The following CHORDC1 variants were observed in gnomAD, a reference collection of about 807,000 sequenced individuals.
The protein encoded by CHORDC1 is cysteine and histidine rich domain containing 1, also known as cysteine and histidine-rich domain-containing protein 1.
Under a neutral mutation model 48.3 loss-of-function variants are expected in CHORDC1, and 25 were observed. The ratio of observed to expected loss-of-function variants is 0.52; its 90% CI spans 0.38 to 0.72. The LOEUF (loss-of-function observed/expected upper bound fraction) is 0.72, where lower values mean the gene tolerates loss of function less well. Ranked by LOEUF, CHORDC1 falls within the 30% of genes least tolerant of loss-of-function variation. CHORDC1 has a pLI of 0.00. For missense variants in CHORDC1, 317 were observed against 388.7 expected (o/e 0.82, Z 1.55); for synonymous variants, 128 against 126.4 (o/e 1.01, Z -0.09).
Position 90,206,193 on chromosome 11 carries a change from A to G in CHORDC1, c.563+9T>C, listed in dbSNP as rs200878575. On this transcript the variant is annotated intron_variant, in intron 7 of 10. Coordinates refer to ENST00000320585, the MANE Select transcript of CHORDC1 (RefSeq NM_012124.3). ...CATAAACTATTTTAATAAGTCATGC[A>G]TAAGTTACCCCTCATGGAAAATAGG... The G allele has an allele frequency of 5.0e-4, 731 of 1,453,566 alleles. 11 individuals are homozygous for G. The South Asian group carries it at 7.8e-3, about 16-fold the overall frequency. The allele number at this position is 1,453,566 out of a possible 1,614,324, so 90.0% of individuals were successfully genotyped here.
intron 1 of CHORDC1, among the ~76,000 whole-genome samples, chr11:90,219,268 A>C (rs551785288): frequency 2.0e-5 from 3 of 152,204 alleles, no homozygotes; most frequent in South Asian, 4.2e-4. Flanking sequence ...CATCTTAAAA[A>C]AAACAAACAA....
Position 90,218,204 on chromosome 11 carries a change from A to G in CHORDC1, c.65-20T>C. ...AAGCATCTGGAGAAAACAGAGAAAA[A>G]AAAAAAAGTACCACTCTTTATAATG... On this transcript the variant is annotated intron_variant, in intron 1 of 10. Coordinates refer to ENST00000320585, the MANE Select transcript of CHORDC1 (RefSeq NM_012124.3). 1 of 1,559,784 alleles carries G rather than the reference A, an allele frequency of 6.4e-7. No individual in the cohort carries two copies. Among genetic ancestry groups the G allele is most frequent in the Non-Finnish European group, 8.6e-7 (1 of 1,158,372 alleles).
At chr11:90,206,449 T>C (rs1857690426) in intron 6 of CHORDC1, 177 bp from the exon 7 acceptor site, 2 of 525,222 alleles carry the variant, frequency 3.8e-6, no homozygotes, top group East Asian at 3.4e-5. Flanking sequence ...TGATTCCCTT[T>C]TGGACTTGGT....
intron 1 of CHORDC1, chr11:90,222,388 C>T: frequency 3.1e-6 from 1 of 325,794 alleles, no homozygotes; most frequent in Non-Finnish European, 5.9e-6. Flanking sequence ...TTTGTAACAG[C>T]GGATCGACTG....
At position 90,222,875 on chromosome 11, in the gene CHORDC1, G is replaced by A. The variant is rs778385094; in HGVS notation, c.64+16C>T. On this transcript the variant is annotated intron_variant, in intron 1 of 10. Coordinates refer to ENST00000320585, the MANE Select transcript of CHORDC1 (RefSeq NM_012124.3). ...GAGGTGGAGGGGAGGGAGGGCTGGC[G>A]GCGCGTTCCTCTTACCGTCGGAATT... 3 of 1,612,254 alleles carry A rather than the reference G, an allele frequency of 1.9e-6. No homozygotes were observed. The highest frequency in any genetic ancestry group is 2.5e-6 in the Non-Finnish European group (3 of 1,178,630).
chr11:90,208,931 T>C (rs1170325187), intron 6 of CHORDC1: 1 of 152,200 alleles, frequency 6.6e-6, no homozygotes. Flanking sequence ...GGTCTACTTA[T>C]CTCTATTAAT....
intron 2 of CHORDC1, among the ~76,000 whole-genome samples, chr11:90,215,979 A>C (rs1002045527): frequency 6.6e-6 from 1 of 152,122 alleles, no homozygotes; most frequent in Non-Finnish European, 1.5e-5. Flanking sequence ...AAAAGACTGC[A>C]TAAAAATATG....
At chr11:90,211,822 A>C (rs777450850) in intron 4 of CHORDC1, 1 of 153,086 alleles carries the variant, frequency 6.5e-6, no homozygotes, top group Non-Finnish European at 1.5e-5. Flanking sequence ...CAATTTCAGT[A>C]GGGTTTAAAA....
intron 2 of CHORDC1, chr11:90,217,894 TCAAA>T: frequency 2.0e-5 from 3 of 151,316 alleles, no homozygotes; most frequent in Non-Finnish European, 2.4e-5. Flanking sequence ...AAACTCCATC[TCAAA>T]AAAAAAAAAA....
intron 1 of CHORDC1, 119 bp from the exon 2 acceptor site, chr11:90,218,303 A>T: frequency 3.1e-6 from 2 of 653,894 alleles, no homozygotes; most frequent in Non-Finnish European, 5.1e-6. Context: ...AGTACCTTAA[A>T]AAGGTACAAA....
chr11:90,210,778 C>T, intron 5 of CHORDC1, 184 bp from the exon 6 acceptor site: 2 of 563,310 alleles, frequency 3.6e-6, no homozygotes, highest in Non-Finnish European at 6.3e-6. Context: ...CTGGTGTCTT[C>T]AACAATGCAG....
At position 90,203,440 on chromosome 11, in the gene CHORDC1, A is replaced by C. The variant is rs1459452225; in HGVS notation, c.670-13T>G. 3 of 1,530,950 alleles carry C rather than the reference A, an allele frequency of 2.0e-6. No homozygotes were observed. The highest frequency in any genetic ancestry group is 2.7e-6 in the Non-Finnish European group (3 of 1,123,476). 94.8% of individuals were successfully genotyped at this position (1,530,950 alleles called of 1,614,324 possible). A position where few individuals can be genotyped will look rare whatever the true frequency, so the allele number is the denominator to read the frequency against. On this transcript the variant is annotated splice_polypyrimidine_tract_variant and intron_variant, in intron 8 of 10. Coordinates refer to ENST00000320585, the MANE Select transcript of CHORDC1 (RefSeq NM_012124.3). ...CAACTTTTTTCCCCTGTAATGTAAG[A>C]GAAACTCTGTAAGTTAAAAAAGTGC...
chr11:90,202,981 A>G, intron 9 of CHORDC1, 106 bp from the exon 10 acceptor site: 1 of 1,322,650 alleles, frequency 7.6e-7, no homozygotes, highest in Non-Finnish European at 1.0e-6. Context: ...AAGCTATTTT[A>G]AGAAACTGCC....
intron 4 of CHORDC1, chr11:90,212,995 C>T (rs1857912225): frequency 6.4e-6 from 1 of 157,270 alleles, no homozygotes; most frequent in East Asian, 1.8e-4. Flanking sequence ...ATAGTACAGA[C>T]TGTATTATAT....
At chr11:90,209,251 AC>A (rs944098784) in intron 6 of CHORDC1, 3 of 152,048 alleles carry the variant, frequency 2.0e-5, no homozygotes, top group Non-Finnish European at 4.4e-5. Context: ...CCCCATTTTC[AC>A]CTTGTTGGTT....
At chr11:90,220,048 TTC>T (rs759705996) in intron 1 of CHORDC1, among the ~76,000 whole-genome samples, 4 of 152,252 alleles carry the variant, frequency 2.6e-5, no homozygotes, top group Admixed American at 6.5e-5. Flanking sequence ...TGTTTTTGTT[TTC>T]TTTTAAGCTC....
intron 1 of CHORDC1, among the ~76,000 whole-genome samples, chr11:90,220,487 C>G (rs1243604625): frequency 6.6e-6 from 1 of 152,080 alleles, no homozygotes; most frequent in Non-Finnish European, 1.5e-5. Context: ...CCAGTATTTT[C>G]AAACACCAAA....
chr11:90,201,799 A>G lies in CHORDC1; in HGVS notation c.*606T>C, dbSNP rs1411416739. The stretch of plus-strand genomic sequence containing the variant: ...TCCTATAACATCATACTGCTTGGCA[A>G]GTAATGTAAGTTTTGACATAATTTA... On this transcript the variant is annotated 3_prime_UTR_variant, in exon 11 of 11. Coordinates refer to ENST00000320585, the MANE Select transcript of CHORDC1 (RefSeq NM_012124.3). 6.6e-6 allele frequency: 1 copy of G among 152,470 alleles called. No homozygotes were observed. Among genetic ancestry groups the G allele is most frequent in the African/African-American group, 2.4e-5 (1 of 41,454 alleles). The allele number at this position is 152,470 out of a possible 1,614,324, so 9.4% of individuals were successfully genotyped here. A position where few individuals can be genotyped will look rare whatever the true frequency, so the allele number is the denominator to read the frequency against.
At chr11:90,215,112 C>G in intron 3 of CHORDC1, 62 bp downstream of exon 3, 2 of 989,120 alleles carry the variant, frequency 2.0e-6, no homozygotes, top group East Asian at 2.8e-5. Flanking sequence ...CTCCTCAAAT[C>G]TGAAGCTTTC....
Sources: allele counts gnomAD v4.1 joint callset (sites outside exome capture counted in the v4.1 genomes callset), GRCh38; gene constraint gnomAD v4.1.1; transcripts MANE v1.5; gene names NCBI Gene and HGNC (gene_info 2026-07-23, HGNC 2026-07-21).